SH3D19: variants seen among roughly 807,000 people sequenced by gnomAD.
The protein encoded by SH3D19 is SH3 domain-containing protein 19.
Under a neutral mutation model 112.1 loss-of-function variants are expected in SH3D19, and 58 were observed. That is an observed-to-expected ratio of 0.52 (90% CI 0.42 to 0.64). The LOEUF (loss-of-function observed/expected upper bound fraction) is 0.64. Among genes scored for constraint, SH3D19 ranks in the 30% least tolerant of loss-of-function variants. The pLI is 0.00. For missense variants in SH3D19, 1,090 were observed against 1,263.4 expected (o/e 0.86, Z 2.08); for synonymous variants, 391 against 448.5 (o/e 0.87, Z 1.62).
chr4:151,169,932 G>C (rs1758758937), intron 7 of SH3D19, among the ~76,000 whole-genome samples: 1 of 152,016 alleles, frequency 6.6e-6, no homozygotes, highest in African/African-American at 2.4e-5. Flanking sequence ...CATCAACAGG[G>C]GAAATACTGA....
At chr4:151,136,078 C>T (rs1751788641) in intron 14 of SH3D19, among the ~76,000 whole-genome samples, 3 of 152,166 alleles carry the variant, frequency 2.0e-5, no homozygotes, top group Non-Finnish European at 4.4e-5. Flanking sequence ...GAAATATTTT[C>T]CCCCTTCAAC....
chr4:151,270,402 C>T (rs1234042581), intron 1 of SH3D19, among the ~76,000 whole-genome samples: 1 of 152,214 alleles, frequency 6.6e-6, no homozygotes, highest in Non-Finnish European at 1.5e-5. Context: ...TGTGCCTGCT[C>T]ACCCTTTGCC....
At chr4:151,318,300 C>CAAAAAAAAA (rs752720803) in intron 1 of SH3D19, among the ~76,000 whole-genome samples, 13 of 54,216 alleles carry the variant, frequency 2.4e-4, no homozygotes, top group East Asian at 5.4e-4. Flanking sequence ...GACTCTGACT[C>CAAAAAAAAA]AAAAAAAAAA....
At chr4:151,233,041 C>A (rs1206126364) in intron 1 of SH3D19, among the ~76,000 whole-genome samples, 1 of 152,048 alleles carries the variant, frequency 6.6e-6, no homozygotes, top group Non-Finnish European at 1.5e-5. Flanking sequence ...AGATAAGCAT[C>A]CACATTAGAT....
chr4:151,170,084 T>G (rs1758791021), intron 7 of SH3D19, among the ~76,000 whole-genome samples: 1 of 152,218 alleles, frequency 6.6e-6, no homozygotes, highest in South Asian at 2.1e-4. Flanking sequence ...AGGTATCGTA[T>G]GGTAAAAATT....
intron 19 of SH3D19, among the ~76,000 whole-genome samples, chr4:151,125,845 C>CAAAAAAAAAAA (rs66688611): frequency 2.7e-4 from 25 of 94,228 alleles, no homozygotes; most frequent in Admixed American, 5.6e-4. Flanking sequence ...ATCTCAAAAA[C>CAAAAAAAAAAA]AAAAAAAAAA....
chr4:151,319,777 GA>G (rs780180205), intron 1 of SH3D19, among the ~76,000 whole-genome samples: 1 of 152,278 alleles, frequency 6.6e-6, no homozygotes, highest in Non-Finnish European at 1.5e-5. Context: ...ATGCAGTTGT[GA>G]AAGCCCTTCA....
At chr4:151,297,132 C>T (rs760697354) in intron 1 of SH3D19, among the ~76,000 whole-genome samples, 3 of 152,120 alleles carry the variant, frequency 2.0e-5, no homozygotes, top group Non-Finnish European at 2.9e-5. Flanking sequence ...TCAAAATAAT[C>T]AGAAATCAGA....
intron 1 of SH3D19, among the ~76,000 whole-genome samples, chr4:151,250,098 G>A (rs1417687492): frequency 3.9e-5 from 6 of 152,048 alleles, no homozygotes; most frequent in Non-Finnish European, 8.8e-5. Context: ...TGGCAATAGA[G>A]GTCAAATTTT....
intron 13 of SH3D19, among the ~76,000 whole-genome samples, chr4:151,139,311 C>G (rs1344030616): frequency 1.3e-5 from 2 of 151,962 alleles, no homozygotes; most frequent in Non-Finnish European, 2.9e-5. Context: ...CGCCACTACG[C>G]CCGGCTAATT....
At chr4:151,268,242 A>G (rs111436663) in intron 1 of SH3D19, among the ~76,000 whole-genome samples, 1 of 152,168 alleles carries the variant, frequency 6.6e-6, no homozygotes, top group Non-Finnish European at 1.5e-5. Context: ...AACATAGAAA[A>G]GGTACAGTAA....
intron 1 of SH3D19, among the ~76,000 whole-genome samples, chr4:151,276,559 T>A (rs1437162715): frequency 6.6e-6 from 1 of 152,070 alleles, no homozygotes; most frequent in East Asian, 1.9e-4. Context: ...GAGAAACTTG[T>A]GAGATAGGCT....
intron 1 of SH3D19, among the ~76,000 whole-genome samples, chr4:151,300,879 A>T (rs756208438): frequency 9.8e-5 from 15 of 152,344 alleles, no homozygotes; most frequent in Admixed American, 2.6e-4. Context: ...ATCAGGACCT[A>T]CATCAGAGAT....
intron 9 of SH3D19, 112 bp downstream of exon 9, chr4:151,159,128 G>T: frequency 1.8e-6 from 1 of 569,622 alleles, no homozygotes; most frequent in Non-Finnish European, 2.9e-6. Flanking sequence ...TCTAATAGAG[G>T]GTTCTTGTTT....
chr4:151,227,390 T>G (rs1769178555), intron 1 of SH3D19, among the ~76,000 whole-genome samples: 1 of 152,230 alleles, frequency 6.6e-6, no homozygotes, highest in African/African-American at 2.4e-5. Context: ...GAAAGACTAA[T>G]AAGTAAAAAG....
At chr4:151,306,643 A>G (rs527955643) in intron 1 of SH3D19, among the ~76,000 whole-genome samples, 2 of 152,312 alleles carry the variant, frequency 1.3e-5, no homozygotes, top group South Asian at 4.1e-4. Flanking sequence ...ACCAAATTAC[A>G]TTCTACAAGG....
chr4:151,180,367 A>G (rs896937465), intron 3 of SH3D19, among the ~76,000 whole-genome samples: 1 of 151,288 alleles, frequency 6.6e-6, no homozygotes, highest in Non-Finnish European at 1.5e-5. Context: ...CTAAGTTTTA[A>G]TCGGATAATC....
At chr4:151,293,103 G>A (rs1047589186) in intron 1 of SH3D19, among the ~76,000 whole-genome samples, 1 of 151,952 alleles carries the variant, frequency 6.6e-6, no homozygotes, top group Non-Finnish European at 1.5e-5. Flanking sequence ...CTGGGCGAGA[G>A]AGCCAGACTC....
intron 1 of SH3D19, among the ~76,000 whole-genome samples, chr4:151,319,116 T>TCCAGG (rs1450715861): frequency 6.6e-6 from 1 of 152,218 alleles, no homozygotes; most frequent in Non-Finnish European, 1.5e-5. Flanking sequence ...AGTGGTGTGA[T>TCCAGG]CTCAGTTCAC....
Sources: allele counts gnomAD v4.1 joint callset (sites outside exome capture counted in the v4.1 genomes callset), GRCh38; gene constraint gnomAD v4.1.1; transcripts MANE v1.5; gene names NCBI Gene and HGNC (gene_info 2026-07-23, HGNC 2026-07-21).